ABR: variants seen among roughly 807,000 people sequenced by gnomAD.
ABR encodes ABR activator of RhoGEF and GTPase.
In ABR, 35 loss-of-function variants were observed where a neutral mutation model predicts 107.2. The ratio of observed to expected loss-of-function variants is 0.33; its 90% CI spans 0.25 to 0.43. The LOEUF (loss-of-function observed/expected upper bound fraction) is 0.43, where lower values mean the gene tolerates loss of function less well. ABR is among the 20% of genes least tolerant of loss of function. The probability of loss-of-function intolerance (pLI) is 1.00; values close to 1 mark genes in which losing one functional copy is unlikely to be tolerated. For missense variants in ABR, 815 were observed against 1,115.2 expected (o/e 0.73, Z 3.83); for synonymous variants, 498 against 462.0 (o/e 1.08, Z -1.00).
intron 14 of ABR, among the ~76,000 whole-genome samples, chr17:1,054,054 C>T (rs1036457989): frequency 3.3e-5 from 5 of 152,204 alleles, no homozygotes; most frequent in African/African-American, 7.2e-5. Context: ...TGCCGGAAGA[C>T]GTGGATTCTG....
Position 1,088,045 on chromosome 17 carries a change from G to A in ABR, c.531+3620C>T, listed in dbSNP as rs1040446297. Among the ~76,000 whole-genome samples, 6 of 152,174 alleles carry A rather than the reference G, an allele frequency of 3.9e-5. No homozygotes were observed. The East Asian group carries it at 9.6e-4, about 24-fold the overall frequency. Reference sequence around the variant, plus strand: ...GAATAATCAAATACCCAGAGTCTTCGGCTGAAAATAAACCACCTCCGGATG... The same window carrying A: ...GAATAATCAAATACCCAGAGTCTTCAGCTGAAAATAAACCACCTCCGGATG... On this transcript the variant is annotated intron_variant, in intron 4 of 22. Transcript: ENST00000302538.
intron 1 of ABR, among the ~76,000 whole-genome samples, chr17:1,209,738 G>A (rs900754818): frequency 1.3e-5 from 2 of 152,160 alleles, no homozygotes; most frequent in Non-Finnish European, 2.9e-5. Flanking sequence ...ACTTGGTGAC[G>A]TGGACACCCC....
chr17:1,052,126 C>T (rs1462773821), intron 14 of ABR, among the ~76,000 whole-genome samples: 1 of 151,746 alleles, frequency 6.6e-6, no homozygotes, highest in Non-Finnish European at 1.5e-5. Flanking sequence ...AGTGCAGCTA[C>T]CCCAAGAAGC....
chr17:1,007,207 G>T lies in ABR; in HGVS notation c.2448C>A (p.Leu816=), dbSNP rs748559657. The change falls in exon 22 of 23, where the codon CTC becomes CTA. Residue 816 remains leucine, a synonymous_variant. Transcript: ENST00000302538. The part of the protein sequence containing the change: ...RPSEVESKAH[L]TSAADIWSHD... Reference sequence around the variant, plus strand: ...GGGACCAGATGTCCGCAGCCGAGGTGAGGTGTGCTTTGCTCTCCACTTCTG... The same window carrying T: ...GGGACCAGATGTCCGCAGCCGAGGTTAGGTGTGCTTTGCTCTCCACTTCTG... 6.2e-7 allele frequency: 1 copy of T among 1,614,054 alleles called. No individual in the cohort carries two copies. Among genetic ancestry groups the T allele is most frequent in the South Asian group, 1.1e-5 (1 of 91,088 alleles).
At chr17:1,168,836 G>A (rs970411375) in intron 1 of ABR, among the ~76,000 whole-genome samples, 6 of 152,326 alleles carry the variant, frequency 3.9e-5, no homozygotes, top group South Asian at 2.1e-4. Context: ...GCAGGAGACC[G>A]AATCAGCTCC....
chr17:1,118,022 C>A (rs1597877204), intron 2 of ABR, among the ~76,000 whole-genome samples: 1 of 59,104 alleles, frequency 1.7e-5, no homozygotes, highest in East Asian at 3.5e-4. Flanking sequence ...GAGTTCTCCC[C>A]AGCGTTATCG....
intron 14 of ABR, chr17:1,055,372 A>G (rs1393167655): frequency 6.6e-6 from 1 of 152,348 alleles, no homozygotes; most frequent in African/African-American, 2.4e-5. Flanking sequence ...TCTCGGGTCA[A>G]AATTCACAAG....
chr17:1,010,676 G>C lies in ABR; in HGVS notation c.2236+53C>G. 1.3e-6 allele frequency: 2 copies of C among 1,592,106 alleles called. No individual in the cohort carries two copies. Among genetic ancestry groups the C allele is most frequent in the Non-Finnish European group, 1.7e-6 (2 of 1,167,724 alleles). On this transcript the variant is annotated intron_variant, in intron 20 of 22. Coordinates refer to ENST00000302538, the MANE Select transcript of ABR (RefSeq NM_021962.5). The surrounding 1 kb of genome is among the most constrained non-coding windows in gnomAD (Gnocchi z 4.1). ...CCTGCTGGTTACTTCTCCGGGCAGGGAGTCCTGGCTCAGTCTGGCCCAGCC... is the reference window on the plus strand; with the variant it reads ...CCTGCTGGTTACTTCTCCGGGCAGGCAGTCCTGGCTCAGTCTGGCCCAGCC...
intron 1 of ABR, among the ~76,000 whole-genome samples, chr17:1,225,023 C>T (rs2043187838): frequency 6.6e-6 from 1 of 151,778 alleles, no homozygotes; most frequent in South Asian, 2.1e-4. Flanking sequence ...GTGGCGGGCA[C>T]CTGTAGTCCC....
At chr17:1,121,121 G>A (rs1252484529) in intron 2 of ABR, among the ~76,000 whole-genome samples, 1 of 152,236 alleles carries the variant, frequency 6.6e-6, no homozygotes, top group African/African-American at 2.4e-5. Context: ...GACTTGGGCA[G>A]GGTTTATGGG....
At chr17:1,205,900 C>T (rs921160197) in intron 1 of ABR, among the ~76,000 whole-genome samples, 1 of 152,026 alleles carries the variant, frequency 6.6e-6, no homozygotes, top group Non-Finnish European at 1.5e-5. Context: ...TGAGATTGCG[C>T]CACTGCACTC....
intron 1 of ABR, among the ~76,000 whole-genome samples, chr17:1,177,332 C>T (rs953745096): frequency 4.3e-4 from 66 of 152,314 alleles, no homozygotes; most frequent in African/African-American, 1.6e-3. Flanking sequence ...AAGAGGGAGG[C>T]AGGGACTCCT....
At chr17:1,211,876 T>G (rs2042909348) in intron 1 of ABR, among the ~76,000 whole-genome samples, 1 of 151,414 alleles carries the variant, frequency 6.6e-6, no homozygotes, top group Admixed American at 6.6e-5. Context: ...AGGTCGGGAG[T>G]TTGAGACCAG....
rs1300557657 is a variant in ABR at position 1,199,008 on chromosome 17, G to A, written c.838+29785C>T. ...GGCAGAGGTTGCAGTGAGCCGAGAC[G>A]GTGCCATTGCACTCCAGCCTGGGCA... On this transcript the variant is annotated intron_variant, in intron 1 of 22. Transcript: ENST00000574139. Among the ~76,000 whole-genome samples the A allele has an allele frequency of 2.7e-5, 4 of 147,812 alleles. 1 individual carries two copies. Among genetic ancestry groups the A allele is most frequent in the African/African-American group, 5.1e-5 (2 of 39,296 alleles).
chr17:1,029,116 AAC>A (rs1009874659), intron 16 of ABR, among the ~76,000 whole-genome samples: 2 of 151,858 alleles, frequency 1.3e-5, no homozygotes, highest in African/African-American at 2.4e-5. Context: ...AAAAAAAAAA[AAC>A]AAACAGGGAA....
chr17:1,145,608 G>T (rs2040494487), intron 1 of ABR, among the ~76,000 whole-genome samples: 1 of 152,208 alleles, frequency 6.6e-6, no homozygotes, highest in Non-Finnish European at 1.5e-5. Context: ...AGTCCTTAGG[G>T]TATTTATGAA....
At chr17:1,021,543 C>A (rs138670213) in intron 16 of ABR, among the ~76,000 whole-genome samples, 2 of 151,950 alleles carry the variant, frequency 1.3e-5, no homozygotes, top group African/African-American at 2.4e-5. Context: ...CGGTGGCTCA[C>A]GCCTGTCATC....
chr17:1,083,697 G>A (rs770128965), intron 4 of ABR, 70 bp from the exon 5 acceptor site: 32 of 1,282,550 alleles, frequency 2.5e-5, no homozygotes, highest in Non-Finnish European at 3.3e-5. Context: ...ATGGATGAAA[G>A]CTTCACGGAG....
At chr17:1,088,420 G>A (rs371088638) in intron 4 of ABR, among the ~76,000 whole-genome samples, 6 of 151,334 alleles carry the variant, frequency 4.0e-5, no homozygotes, top group Admixed American at 6.6e-5. Flanking sequence ...CATTCCCTTG[G>A]AAGGATACCT....
Sources: allele counts gnomAD v4.1 joint callset (sites outside exome capture counted in the v4.1 genomes callset), GRCh38; gene constraint gnomAD v4.1.1; non-coding constraint Gnocchi (gnomAD v3.1); transcripts MANE v1.5; gene names NCBI Gene and HGNC (gene_info 2026-07-23, HGNC 2026-07-21).